The following PTPRR variants were observed in gnomAD, a reference collection of about 807,000 sequenced individuals.
PTPRR encodes the protein protein tyrosine phosphatase receptor type R, also known as receptor-type tyrosine-protein phosphatase R.
Under a neutral mutation model 77.2 loss-of-function variants are expected in PTPRR, and 38 were observed. The observed-to-expected ratio is 0.49, with a 90% confidence interval of 0.38 to 0.65. The LOEUF (loss-of-function observed/expected upper bound fraction) is 0.65. Ranked by LOEUF, PTPRR falls within the 30% of genes least tolerant of loss-of-function variation. The pLI, the probability that PTPRR is intolerant of heterozygous loss-of-function variation, is 0.00. For synonymous variants in PTPRR, 299 were observed against 283.1 expected (o/e 1.06, Z -0.57); for missense variants, 744 against 799.2 (o/e 0.93, Z 0.83).
At chr12:70,688,337 A>G (rs1488890773) in intron 8 of PTPRR, among the ~76,000 whole-genome samples, 1 of 152,166 alleles carries the variant, frequency 6.6e-6, no homozygotes, top group Non-Finnish European at 1.5e-5. Context: ...TATATCAGAA[A>G]CTCAAACTAC....
At chr12:70,802,276 C>T (rs963356732) in intron 2 of PTPRR, among the ~76,000 whole-genome samples, 3 of 152,120 alleles carry the variant, frequency 2.0e-5, no homozygotes, top group Non-Finnish European at 2.9e-5. Context: ...AATACAACTT[C>T]GTAAAGAGTA....
At chr12:70,733,342 G>A (rs747452709) in intron 6 of PTPRR, among the ~76,000 whole-genome samples, 2 of 146,268 alleles carry the variant, frequency 1.4e-5, no homozygotes, top group East Asian at 2.1e-4. Flanking sequence ...ACTGAGACCT[G>A]TTTTCTAAGG....
chr12:70,727,119 C>T (rs1889468928), intron 6 of PTPRR, among the ~76,000 whole-genome samples: 1 of 151,868 alleles, frequency 6.6e-6, no homozygotes, highest in Non-Finnish European at 1.5e-5. Context: ...ACTTCGGTAT[C>T]GTGGAAGAAG....
chr12:70,860,718 A>G (rs1052589794), intron 2 of PTPRR, among the ~76,000 whole-genome samples: 7 of 152,136 alleles, frequency 4.6e-5, no homozygotes, highest in Admixed American at 3.3e-4. Context: ...TAAAACATAT[A>G]CAACATAGAC....
chr12:70,832,875 G>T (rs551135708), intron 2 of PTPRR, among the ~76,000 whole-genome samples: 307 of 152,294 alleles, frequency 2.0e-3, no homozygotes, highest in Non-Finnish European at 3.3e-3. Context: ...GGGGGAGCAG[G>T]CATGCTACTT....
At chr12:70,656,132 C>T (rs1201245987) in intron 13 of PTPRR, among the ~76,000 whole-genome samples, 3 of 152,062 alleles carry the variant, frequency 2.0e-5, no homozygotes, top group Non-Finnish European at 2.9e-5. Context: ...GTAGGAGGAC[C>T]ACATGAGCCC....
chr12:70,833,158 C>A (rs1437790987), intron 2 of PTPRR, among the ~76,000 whole-genome samples: 1 of 151,996 alleles, frequency 6.6e-6, no homozygotes, highest in Non-Finnish European at 1.5e-5. Context: ...AATATCCTAA[C>A]CATATGAGGC....
chr12:70,774,342 G>C (rs927607241), intron 2 of PTPRR, among the ~76,000 whole-genome samples: 1 of 152,184 alleles, frequency 6.6e-6, no homozygotes, highest in Non-Finnish European at 1.5e-5. Context: ...ATTCCCAGAG[G>C]CATGATTAAC....
At chr12:70,858,506 C>A (rs755030025) in intron 2 of PTPRR, among the ~76,000 whole-genome samples, 3 of 152,036 alleles carry the variant, frequency 2.0e-5, no homozygotes, top group Non-Finnish European at 4.4e-5. Context: ...TTATTCTGAT[C>A]CACCCAAGAT....
intron 2 of PTPRR, among the ~76,000 whole-genome samples, chr12:70,806,423 T>C (rs1891710562): frequency 6.6e-6 from 1 of 152,180 alleles, no homozygotes; most frequent in African/African-American, 2.4e-5. Context: ...TTGGAAAGAA[T>C]GAACAAGTAA....
chr12:70,794,901 C>T (rs1377906255), intron 2 of PTPRR, among the ~76,000 whole-genome samples: 2 of 150,766 alleles, frequency 1.3e-5, no homozygotes, highest in East Asian at 1.9e-4. Context: ...TTCACTTCTG[C>T]ATATGTCATG....
intron 8 of PTPRR, among the ~76,000 whole-genome samples, chr12:70,694,904 G>C (rs917772902): frequency 3.6e-4 from 54 of 151,958 alleles, no homozygotes; most frequent in Non-Finnish European, 7.4e-5. Context: ...ATATTTTATT[G>C]TCTGCTAATA....
At chr12:70,762,344 T>C (rs888077512) in intron 3 of PTPRR, among the ~76,000 whole-genome samples, 2 of 152,112 alleles carry the variant, frequency 1.3e-5, no homozygotes, top group African/African-American at 4.8e-5. Context: ...CGATTGATAA[T>C]ATTATCTTTC....
intron 2 of PTPRR, 124 bp downstream of exon 2, chr12:70,892,555 G>T: frequency 1.8e-6 from 2 of 1,103,456 alleles, no homozygotes; most frequent in Non-Finnish European, 2.6e-6. Flanking sequence ...CAGAATAAGT[G>T]CTGTGGTACA....
intron 2 of PTPRR, among the ~76,000 whole-genome samples, chr12:70,815,511 C>T (rs189012227): frequency 1.4e-4 from 21 of 152,046 alleles, no homozygotes; most frequent in African/African-American, 1.9e-4. Flanking sequence ...CCTGATATAC[C>T]GAACGGTTTT....
intron 2 of PTPRR, among the ~76,000 whole-genome samples, chr12:70,878,802 G>A (rs183277313): frequency 4.6e-5 from 7 of 152,282 alleles, no homozygotes; most frequent in South Asian, 2.1e-4. Context: ...ACATGCACAC[G>A]TATGTTTATT....
intron 2 of PTPRR, among the ~76,000 whole-genome samples, chr12:70,786,305 G>A (rs1335291193): frequency 6.6e-6 from 1 of 152,138 alleles, no homozygotes; most frequent in Non-Finnish European, 1.5e-5. Flanking sequence ...GGGATGCTTA[G>A]AAGTAGATAT....
At chr12:70,786,382 C>T (rs1166471841) in intron 2 of PTPRR, among the ~76,000 whole-genome samples, 1 of 152,100 alleles carries the variant, frequency 6.6e-6, no homozygotes, top group Admixed American at 6.6e-5. Context: ...CTGATACTTT[C>T]CTGAGCCATT....
At chr12:70,765,319 T>A (rs113934485) in intron 2 of PTPRR, among the ~76,000 whole-genome samples, 9,960 of 152,242 alleles carry the variant, frequency 0.065, 354 homozygotes, top group Middle Eastern at 0.099. Context: ...ATACTGCGCT[T>A]TTCCGACGGG....
Sources: allele counts gnomAD v4.1 joint callset (sites outside exome capture counted in the v4.1 genomes callset), GRCh38; gene constraint gnomAD v4.1.1; transcripts MANE v1.5; gene names NCBI Gene and HGNC (gene_info 2026-07-23, HGNC 2026-07-21).